The following ZNF536 variants were observed in gnomAD, a reference collection of about 807,000 sequenced individuals.
ZNF536 encodes the protein zinc finger protein 536.
Under a neutral mutation model 84.5 loss-of-function variants are expected in ZNF536, and 13 were observed. The observed-to-expected ratio is 0.15, with a 90% CI of 0.10 to 0.24. The LOEUF is 0.24. Ranked by LOEUF, ZNF536 falls within the 10% of genes least tolerant of loss-of-function variation. The probability of loss-of-function intolerance (pLI) is 1.00; values close to 1 mark genes in which losing one functional copy is unlikely to be tolerated. For synonymous variants in ZNF536, 811 were observed against 742.5 expected, an observed-to-expected ratio of 1.09 and a Z score of -1.50; for missense variants, 1,536 against 1,747.5, an observed-to-expected ratio of 0.88 and a Z score of 2.16.
chr19:30,380,377 G>A (rs1374486956), intron 1 of ZNF536, among the ~76,000 whole-genome samples: 1 of 152,044 alleles, frequency 6.6e-6, no homozygotes, highest in East Asian at 1.9e-4. Context: ...TTGGAGACGG[G>A]CCACCCTGCA....
chr19:30,660,888 T>A (rs991216665), intron 1 of ZNF536, among the ~76,000 whole-genome samples: 18 of 152,234 alleles, frequency 1.2e-4, no homozygotes, highest in Admixed American at 3.3e-4. Context: ...TACATATACA[T>A]ACACAAAATC....
intron 1 of ZNF536, among the ~76,000 whole-genome samples, chr19:30,686,678 C>T (rs980508944): frequency 6.6e-6 from 1 of 152,136 alleles, no homozygotes; most frequent in Non-Finnish European, 1.5e-5. Context: ...TATCTGCGCG[C>T]GTCTTCATGT....
intron 2 of ZNF536, among the ~76,000 whole-genome samples, chr19:30,291,115 T>C (rs539084334): frequency 6.6e-6 from 1 of 152,234 alleles, no homozygotes; most frequent in African/African-American, 2.4e-5. Context: ...TGGTTCCAAG[T>C]CTTTACTTTG....
At chr19:30,311,905 C>A (rs550124342) in intron 2 of ZNF536, among the ~76,000 whole-genome samples, 1 of 151,854 alleles carries the variant, frequency 6.6e-6, no homozygotes, top group South Asian at 2.1e-4. Flanking sequence ...CTCATCTCTA[C>A]GAAAAGTTAA....
chr19:30,429,033 G>A (rs1731427308), intron 1 of ZNF536, among the ~76,000 whole-genome samples: 1 of 152,202 alleles, frequency 6.6e-6, no homozygotes, highest in Non-Finnish European at 1.5e-5. Flanking sequence ...CAGGGCACCT[G>A]AGGCCACATG....
chr19:30,701,304 AAC>A (rs1220989420), intron 1 of ZNF536, among the ~76,000 whole-genome samples: 1 of 148,250 alleles, frequency 6.7e-6, no homozygotes, highest in Non-Finnish European at 1.5e-5. Flanking sequence ...CACATACACA[AAC>A]ACACACAGAC....
chr19:30,351,620 TATATTTGAGC>T (rs1220418441), intron 2 of ZNF536, among the ~76,000 whole-genome samples: 2 of 152,156 alleles, frequency 1.3e-5, no homozygotes, highest in Non-Finnish European at 2.9e-5. Flanking sequence ...TGATGGCTGC[TATATTTGAGC>T]ACGGCTCTGA....
chr19:30,606,093 G>A (rs1181243030), intron 1 of ZNF536, among the ~76,000 whole-genome samples: 1 of 151,046 alleles, frequency 6.6e-6, no homozygotes, highest in African/African-American at 2.4e-5. Flanking sequence ...GTTCAAGGCT[G>A]CACTGAGCCA....
At chr19:30,702,366 C>T (rs554539776) in intron 1 of ZNF536, among the ~76,000 whole-genome samples, 8 of 152,128 alleles carry the variant, frequency 5.3e-5, no homozygotes, top group African/African-American at 1.7e-4. Context: ...TACAAATTAA[C>T]GTATGATGTA....
intron 1 of ZNF536, among the ~76,000 whole-genome samples, chr19:30,279,805 T>C (rs2045372129): frequency 6.6e-6 from 1 of 152,212 alleles, no homozygotes; most frequent in African/African-American, 2.4e-5. Context: ...GTTTCCCCTC[T>C]GGAGCTCTAA....
At position 30,228,640 on chromosome 19, in the gene ZNF536, C is replaced by T. The variant is rs1265019424; in HGVS notation, c.-223C>T. On this transcript the variant is annotated 5_prime_UTR_variant, in exon 1 of 6. Transcript: ENST00000585628. This position sits in a 1 kb window ranked among gnomAD's most constrained non-coding sequence, Gnocchi z 4.5. ...CTTGTTTGAAAACCCAAGTGAAAAC[C>T]GCGACGATCTGCACACTCAAAAGCA... is the stretch of plus-strand genomic sequence containing the variant. 6.6e-6 allele frequency: 1 copy of T among 151,898 alleles called. No homozygotes were observed. Among genetic ancestry groups the T allele is most frequent in the Non-Finnish European group, 1.5e-5 (1 of 67,960 alleles). The allele number at this position is 151,898 out of a possible 1,614,324, so 9.4% of individuals were successfully genotyped here. A position where few individuals can be genotyped will look rare whatever the true frequency, so the allele number is the denominator to read the frequency against.
At chr19:30,319,074 G>A (rs1017380963) in intron 2 of ZNF536, among the ~76,000 whole-genome samples, 1 of 152,222 alleles carries the variant, frequency 6.6e-6, no homozygotes, top group African/African-American at 2.4e-5. Flanking sequence ...TTCCCTGTCT[G>A]AGAGCGTTTT....
chr19:30,527,448 G>A (rs1029680697), intron 2 of ZNF536, among the ~76,000 whole-genome samples: 12 of 151,752 alleles, frequency 7.9e-5, no homozygotes, highest in African/African-American at 2.9e-4. Context: ...AATAACCCAC[G>A]AGCAAGCTGC....
At chr19:30,303,612 C>T (rs926697802) in intron 2 of ZNF536, among the ~76,000 whole-genome samples, 2 of 152,000 alleles carry the variant, frequency 1.3e-5, no homozygotes, top group Non-Finnish European at 2.9e-5. Flanking sequence ...AAGGGATTCT[C>T]GTGCCTCAGC....
At chr19:30,401,095 T>C (rs1207655329) in intron 1 of ZNF536, among the ~76,000 whole-genome samples, 1 of 152,220 alleles carries the variant, frequency 6.6e-6, no homozygotes, top group East Asian at 1.9e-4. Flanking sequence ...AGATATCCAG[T>C]TGTTCTAGCT....
At chr19:30,675,423 T>G (rs1007400465) in intron 1 of ZNF536, among the ~76,000 whole-genome samples, 2 of 152,202 alleles carry the variant, frequency 1.3e-5, no homozygotes, top group African/African-American at 4.8e-5. Context: ...GGTGAAAGAC[T>G]GAAAGACTCT....
intron 1 of ZNF536, among the ~76,000 whole-genome samples, chr19:30,633,589 A>G (rs1180092770): frequency 2.0e-5 from 3 of 152,300 alleles, no homozygotes; most frequent in South Asian, 2.1e-4. Flanking sequence ...TATGAGATCA[A>G]TTGCTTCAGA....
chr19:30,408,502 T>G (rs891286154), intron 1 of ZNF536, among the ~76,000 whole-genome samples: 1 of 152,192 alleles, frequency 6.6e-6, no homozygotes, highest in East Asian at 1.9e-4. Flanking sequence ...AAGTCATCAC[T>G]GTTTTCTACT....
rs779365286 is a variant in ZNF536, at chr19:30,566,351, G to C, written c.169+16837G>C. Among the ~76,000 whole-genome samples, 5 of 152,282 alleles carry C rather than the reference G, an allele frequency of 3.3e-5. No homozygotes were observed. In the South Asian group the frequency reaches 6.2e-4, roughly 19 times the overall value. On this transcript the variant is annotated intron_variant, in intron 1 of 1. Coordinates refer to the ZNF536 transcript ENST00000592773. The stretch of plus-strand genomic sequence containing the variant: ...TCCCAGCAGCAGGATCTGGTCCTCC[G>C]AACTCACCCACTAACCTTCCAAGCA...
Sources: gnomAD v4.1 joint callset for allele counts (sites outside exome capture counted in the v4.1 genomes callset) on GRCh38, gnomAD v4.1.1 for gene constraint, Gnocchi (gnomAD v3.1) non-coding constraint, MANE v1.5 for transcripts, NCBI Gene and HGNC (gene_info 2026-07-23, HGNC 2026-07-21) for gene names.